OPRK1: variants seen among roughly 807,000 people sequenced by gnomAD.
The protein encoded by OPRK1 is kappa-type opioid receptor.
OPRK1 carries 15 observed loss-of-function variants against 24.5 expected under a neutral mutation model. The ratio of observed to expected loss-of-function variants is 0.61; its 90% CI spans 0.41 to 0.94. The LOEUF is 0.94. Among genes scored for constraint, OPRK1 ranks in the 40% least tolerant of loss-of-function variants. The pLI, the probability that OPRK1 is intolerant of heterozygous loss-of-function variation, is 0.00. For missense variants in OPRK1, 479 were observed against 507.3 expected (o/e 0.94, Z 0.54); for synonymous variants, 205 against 198.0 (o/e 1.04, Z -0.30).
intron 2 of OPRK1, chr8:53,242,378 T>A (rs994681271): frequency 1.3e-5 from 2 of 155,728 alleles, no homozygotes; most frequent in Non-Finnish European, 2.9e-5. Flanking sequence ...GATTTCCTCA[T>A]CTGAAAACGA....
chr8:53,235,940 G>A (rs1806982175), intron 2 of OPRK1, among the ~76,000 whole-genome samples: 1 of 152,134 alleles, frequency 6.6e-6, no homozygotes, highest in Non-Finnish European at 1.5e-5. Flanking sequence ...TGAGTTAAGA[G>A]GGTTGTTTTG....
chr8:53,242,696 C>T (rs1277516573), intron 2 of OPRK1: 9 of 505,688 alleles, frequency 1.8e-5, no homozygotes, highest in African/African-American at 4.2e-5. Context: ...TTAGTAGAGA[C>T]GGGGTTTCAC....
chr8:53,250,435 C>T (rs1807346550), intron 2 of OPRK1, among the ~76,000 whole-genome samples: 1 of 152,078 alleles, frequency 6.6e-6, no homozygotes, highest in Admixed American at 6.5e-5. Flanking sequence ...AGTTCCTTTA[C>T]CAGGAACCCC....
chr8:53,242,978 A>G (rs1029104967), intron 2 of OPRK1: 4 of 1,263,874 alleles, frequency 3.2e-6, no homozygotes, highest in East Asian at 5.8e-5. Context: ...CCTAAAATCT[A>G]TTCTTCATAT....
chr8:53,242,667 C>A, intron 2 of OPRK1: 2 of 337,408 alleles, frequency 5.9e-6, no homozygotes, highest in Non-Finnish European at 9.3e-6. Context: ...CCACTACGCC[C>A]GGCTAATTTT....
chr8:53,233,403 T>A (rs946150473), intron 3 of OPRK1, among the ~76,000 whole-genome samples: 4 of 152,186 alleles, frequency 2.6e-5, no homozygotes, highest in Non-Finnish European at 5.9e-5. Flanking sequence ...AACTGTAAAC[T>A]GAAACCTAAC....
At chr8:53,246,369 GAAAC>G (rs1807228495) in intron 2 of OPRK1, among the ~76,000 whole-genome samples, 1 of 152,168 alleles carries the variant, frequency 6.6e-6, no homozygotes, top group South Asian at 2.1e-4. Context: ...GGAAGAAAAG[GAAAC>G]AAAGAGTAGG....
intron 2 of OPRK1, among the ~76,000 whole-genome samples, chr8:53,236,539 T>C (rs72651165): frequency 0.085 from 12,974 of 152,236 alleles, 585 homozygotes; most frequent in Middle Eastern, 0.15. Flanking sequence ...TATTTAAAAA[T>C]GTGTTTTGCC....
At position 53,226,367 on chromosome 8, in the gene OPRK1, A is replaced by C. The variant is rs1418636604; in HGVS notation, c.*2930T>G. The C allele has an allele frequency of 2.6e-5, 4 of 152,208 alleles. No homozygotes were observed. The highest frequency in any genetic ancestry group is 5.9e-5 in the Non-Finnish European group (4 of 68,102). The allele number at this position is 152,208 out of a possible 1,614,324, so 9.4% of individuals were successfully genotyped here. A position where few individuals can be genotyped will look rare whatever the true frequency, so the allele number is the denominator to read the frequency against. On this transcript the variant is annotated 3_prime_UTR_variant, in exon 4 of 4. Transcript: ENST00000265572. The stretch of plus-strand genomic sequence containing the variant: ...GTTTCCTCCTCAGTGCTGCCCCTGC[A>C]TGGCTGGTTCATTTCTCTGTGCCTT...
Position 53,234,837 on chromosome 8 carries a change from T to C in OPRK1, c.532A>G (p.Ile178Val). The change falls in exon 3 of 4, where the codon ATC (isoleucine) becomes GTC (valine). Residue 178 changes from isoleucine (I) to valine (V), a missense_variant. Physicochemically the swap from Ile to Val is conservative, Grantham distance 29. Coordinates refer to ENST00000265572, the MANE Select transcript of OPRK1 (RefSeq NM_000912.5). ...GACAGCAGCCAGATGCAGATATTGATGATCTTTGCCTTCAAGGGTGTGCGG... is the reference window on the plus strand; with the variant it reads ...GACAGCAGCCAGATGCAGATATTGACGATCTTTGCCTTCAAGGGTGTGCGG... ...DFRTPLKAKI[I>V]NICIWLLSSS... The C allele has an allele frequency of 1.9e-6, 3 of 1,614,240 alleles. No homozygotes were observed. Among genetic ancestry groups the C allele is most frequent in the Non-Finnish European group, 2.5e-6 (3 of 1,180,048 alleles).
intron 2 of OPRK1, among the ~76,000 whole-genome samples, chr8:53,242,116 T>A (rs1460904615): frequency 6.6e-6 from 1 of 152,196 alleles, no homozygotes; most frequent in Non-Finnish European, 1.5e-5. Flanking sequence ...TACTTAAAAT[T>A]AGTTTTCCTA....
intron 2 of OPRK1, among the ~76,000 whole-genome samples, chr8:53,236,042 G>T (rs1039095382): frequency 6.6e-6 from 1 of 152,218 alleles, no homozygotes; most frequent in African/African-American, 2.4e-5. Context: ...GCTGAAATAT[G>T]TTGGGAAAAT....
rs758708034 is a variant in OPRK1 at position 53,235,056 on chromosome 8, C to T, written c.313G>A (p.Asp105Asn). The T allele has an allele frequency of 6.2e-7, 1 of 1,614,186 alleles. No homozygotes were observed. Among genetic ancestry groups the T allele is most frequent in the South Asian group, 1.1e-5 (1 of 91,078 alleles). Reference sequence around the variant, plus strand: ...GGCATGGTTGTAGTAACTAAAGCATCTGCCAAAGCCAGGTTAAATATGTAA... The same window carrying T: ...GGCATGGTTGTAGTAACTAAAGCATTTGCCAAAGCCAGGTTAAATATGTAA... ...NIYIFNLALA[D>N]ALVTTTMPFQ... is the part of the protein sequence containing the mutation. The change falls in exon 3 of 4, where the codon GAT becomes AAT. Residue 105 changes from aspartate (D) to asparagine (N), a missense_variant. Coordinates refer to ENST00000265572, the MANE Select transcript of OPRK1 (RefSeq NM_000912.5).
chr8:53,250,701 C>T lies in OPRK1; in HGVS notation c.257+80G>A. On this transcript the variant is annotated intron_variant, in intron 2 of 3. Coordinates refer to ENST00000265572, the MANE Select transcript of OPRK1 (RefSeq NM_000912.5). The stretch of plus-strand genomic sequence containing the variant: ...TCCCCACCACCTGGCTGGCTGCCCC[C>T]ACTGCTGCTCCAGTGGCGGGGCCTG... 3 of 1,439,066 alleles carry T rather than the reference C, an allele frequency of 2.1e-6. No individual in the cohort carries two copies. In the South Asian group the frequency reaches 4.1e-5, roughly 20 times the overall value. 89.1% of individuals were successfully genotyped at this position (1,439,066 alleles called of 1,614,324 possible).
chr8:53,239,995 CTGCAGTTCAA>C (rs893674444), intron 2 of OPRK1, among the ~76,000 whole-genome samples: 7 of 152,186 alleles, frequency 4.6e-5, no homozygotes, highest in African/African-American at 1.7e-4. Flanking sequence ...CTGCCACTTC[CTGCAGTTCAA>C]TGTTGAAAAG....
intron 2 of OPRK1, chr8:53,238,604 C>G: frequency 2.0e-6 from 2 of 985,414 alleles, no homozygotes; most frequent in Non-Finnish European, 2.4e-6. Flanking sequence ...GAAATGCTCC[C>G]CAGTGACACT....
Position 53,229,782 on chromosome 8 carries a change from AG to A in OPRK1, c.657del (p.Ser220ProfsTer7), listed in dbSNP as rs1373646787. 1.2e-6 allele frequency: 2 copies of A among 1,605,434 alleles called. No individual in the cohort carries two copies. Among genetic ancestry groups the A allele is most frequent in the African/African-American group, 2.7e-5 (2 of 74,458 alleles). ...ECSLQFPDDD[Y>X]SWWDLFMKIC... ...ATCTTCATGAAGAGGTCCCACCAGG[AG>A]TAGTCATCATCTGGGAACTGCAAGG... is the stretch of plus-strand genomic sequence containing the variant. On this transcript the variant is annotated frameshift_variant, in exon 4 of 4. Coordinates refer to ENST00000265572, the MANE Select transcript of OPRK1 (RefSeq NM_000912.5). LOFTEE classifies it high-confidence loss of function.
chr8:53,229,074 T>G lies in OPRK1; in HGVS notation c.*223A>C. On this transcript the variant is annotated 3_prime_UTR_variant, in exon 4 of 4. Coordinates refer to ENST00000265572, the MANE Select transcript of OPRK1 (RefSeq NM_000912.5). ...GAACTGAGGCTCTGCCTCGCTTCTGTGCCCTAGAGAAGAGGTGCATGTGTT... is the reference window on the plus strand; with the variant it reads ...GAACTGAGGCTCTGCCTCGCTTCTGGGCCCTAGAGAAGAGGTGCATGTGTT... The G allele has an allele frequency of 2.0e-6, 1 of 494,478 alleles. No individual in the cohort carries two copies. Among genetic ancestry groups the G allele is most frequent in the Non-Finnish European group, 3.6e-6 (1 of 280,164 alleles). 30.6% of individuals were successfully genotyped at this position (494,478 alleles called of 1,614,324 possible). A position where few individuals can be genotyped will look rare whatever the true frequency, so the allele number is the denominator to read the frequency against.
At chr8:53,233,275 G>A (rs1806899945) in intron 3 of OPRK1, among the ~76,000 whole-genome samples, 1 of 152,144 alleles carries the variant, frequency 6.6e-6, no homozygotes, top group African/African-American at 2.4e-5. Context: ...TGTCAGTGTG[G>A]GTTCAGCAGC....
Sources: gnomAD v4.1 joint callset for allele counts (sites outside exome capture counted in the v4.1 genomes callset) on GRCh38, gnomAD v4.1.1 for gene constraint, MANE v1.5 for transcripts, NCBI Gene and HGNC (gene_info 2026-07-23, HGNC 2026-07-21) for gene names.